Variants in GATAD2A observed in about 807,000 individuals in gnomAD.
GATAD2A encodes the protein transcriptional repressor p66-alpha.
A neutral mutation model predicts 68.5 loss-of-function variants in GATAD2A; 12 were observed. The ratio of observed to expected loss-of-function variants is 0.18; its 90% CI spans 0.11 to 0.28. The LOEUF (loss-of-function observed/expected upper bound fraction) is 0.28. Ranked by LOEUF, GATAD2A falls within the 10% of genes least tolerant of loss-of-function variation. The pLI, the probability that GATAD2A is intolerant of heterozygous loss-of-function variation, is 1.00. For missense variants in GATAD2A, 755 were observed against 868.5 expected, an observed-to-expected ratio of 0.87 and a Z score of 1.64; for synonymous variants, 410 against 375.3, an observed-to-expected ratio of 1.09 and a Z score of -1.07.
chr19:19,420,432 C>G (rs1294049236), intron 1 of GATAD2A, among the ~76,000 whole-genome samples: 1 of 150,112 alleles, frequency 6.7e-6, no homozygotes, highest in East Asian at 2.0e-4. Context: ...CCCAGGTTCC[C>G]GCCATTCTCC....
At chr19:19,413,252 G>A (rs538397455) in intron 1 of GATAD2A, among the ~76,000 whole-genome samples, 31 of 152,322 alleles carry the variant, frequency 2.0e-4, no homozygotes, top group African/African-American at 6.7e-4. Flanking sequence ...TACCACCTTC[G>A]TTCACATCCG....
chr19:19,438,992 C>T (rs1456416855), intron 1 of GATAD2A, among the ~76,000 whole-genome samples: 1 of 152,222 alleles, frequency 6.6e-6, no homozygotes, highest in African/African-American at 2.4e-5. Context: ...TCAGCACTAG[C>T]CCACACTTGC....
chr19:19,466,453 T>C (rs933994575), intron 2 of GATAD2A, among the ~76,000 whole-genome samples: 3 of 152,194 alleles, frequency 2.0e-5, no homozygotes, highest in African/African-American at 4.8e-5. Flanking sequence ...CACCGCCCAC[T>C]GGAGTCTTCT....
intron 10 of GATAD2A, 30 bp downstream of exon 10, chr19:19,502,073 C>G (rs199738893): frequency 6.5e-7 from 1 of 1,528,680 alleles, no homozygotes; most frequent in Admixed American, 1.7e-5. Flanking sequence ...CCGGGAGCCT[C>G]GCGCCCCCAC....
chr19:19,477,975 G>T (rs2058789697), intron 2 of GATAD2A, among the ~76,000 whole-genome samples: 1 of 152,194 alleles, frequency 6.6e-6, no homozygotes, highest in Admixed American at 6.5e-5. Context: ...GCCACATAAG[G>T]CTGTAAGAAC....
chr19:19,418,940 G>A (rs1012570656), intron 1 of GATAD2A, among the ~76,000 whole-genome samples: 1 of 152,156 alleles, frequency 6.6e-6, no homozygotes, highest in Non-Finnish European at 1.5e-5. Flanking sequence ...ATTTTGGGGT[G>A]GAAGTGAAGT....
chr19:19,416,838 C>T (rs1156996310), intron 1 of GATAD2A, among the ~76,000 whole-genome samples: 1 of 151,924 alleles, frequency 6.6e-6, no homozygotes, highest in Non-Finnish European at 1.5e-5. Flanking sequence ...TCTTGGCTCA[C>T]TGCAACCTTG....
chr19:19,505,677 G>A lies in GATAD2A; in HGVS notation c.*203G>A, dbSNP rs2060837733. ...GCTAGGGGGCTGGTGCCGCCTCATA[G>A]GCAGACGAGGATCATCGCTGGGGGA... On this transcript the variant is annotated 3_prime_UTR_variant, in exon 12 of 12. Coordinates refer to ENST00000683918, the MANE Select transcript of GATAD2A (RefSeq NM_001384528.1). 2.0e-6 allele frequency: 1 copy of A among 496,728 alleles called. No homozygotes were observed. The allele number at this position is 496,728 out of a possible 1,614,324, so 30.8% of individuals were successfully genotyped here. A position where few individuals can be genotyped will look rare whatever the true frequency, so the allele number is the denominator to read the frequency against.
chr19:19,441,185 G>T (rs1677969870), intron 1 of GATAD2A, among the ~76,000 whole-genome samples: 1 of 151,952 alleles, frequency 6.6e-6, no homozygotes, highest in African/African-American at 2.4e-5. Flanking sequence ...TGGGATTACA[G>T]GCGCCCGCCA....
intron 1 of GATAD2A, among the ~76,000 whole-genome samples, chr19:19,419,935 G>A (rs1365064861): frequency 6.6e-6 from 1 of 151,838 alleles, no homozygotes; most frequent in Admixed American, 6.6e-5. Context: ...CCTGGGCCTA[G>A]GAGGTGGCTG....
rs768880819 is a variant in GATAD2A at position 19,502,317 on chromosome 19, T to C, written c.1579-14T>C. ...TTCCCTGCATGAGCCGTCACCCCCC[T>C]TTCTCCACTGCAGGCCTCCAGCCAG... On this transcript the variant is annotated splice_polypyrimidine_tract_variant and intron_variant, in intron 10 of 11. Coordinates refer to ENST00000683918, the MANE Select transcript of GATAD2A (RefSeq NM_001384528.1). The C allele has an allele frequency of 4.4e-6, 7 of 1,593,904 alleles. No individual in the cohort carries two copies. The Admixed American group carries it at 5.1e-5, about 12-fold the overall frequency.
intron 2 of GATAD2A, among the ~76,000 whole-genome samples, chr19:19,476,460 C>T (rs2058683078): frequency 6.6e-6 from 1 of 152,224 alleles, no homozygotes; most frequent in Non-Finnish European, 1.5e-5. Context: ...TCCACAGGGA[C>T]AAGACGGGGA....
intron 2 of GATAD2A, among the ~76,000 whole-genome samples, chr19:19,486,001 G>T (rs1220068996): frequency 5.9e-5 from 9 of 152,150 alleles, no homozygotes; most frequent in African/African-American, 1.9e-4. Flanking sequence ...CGTGCAAGGG[G>T]GTCCATCAGT....
Position 19,496,060 on chromosome 19 carries a change from C to G in GATAD2A, c.765C>G (p.His255Gln). 1 of 1,613,636 alleles carries G rather than the reference C, an allele frequency of 6.2e-7. No homozygotes were observed. Among genetic ancestry groups the G allele is most frequent in the Non-Finnish European group, 8.5e-7 (1 of 1,179,666 alleles). ...PPLVRGAQQI[H>Q]SIRQHSSTGP... ...CCACCCTACCCCAACAGCAAATCCACAGCATTAGGCAACATTCCAGCACAG... is the reference window on the plus strand; with the variant it reads ...CCACCCTACCCCAACAGCAAATCCAGAGCATTAGGCAACATTCCAGCACAG... Residue 255 changes from histidine (H) to glutamine (Q), a missense_variant, in exon 7 of 12, where the codon CAC (histidine) becomes CAG (glutamine). Physicochemically the swap from His to Gln is conservative, Grantham distance 24. Transcript: ENST00000683918.
At chr19:19,422,240 C>T (rs2052512505) in intron 1 of GATAD2A, among the ~76,000 whole-genome samples, 2 of 152,198 alleles carry the variant, frequency 1.3e-5, no homozygotes, top group Admixed American at 1.3e-4. Flanking sequence ...GAGGCAGAAA[C>T]AGCAAGCATA....
At position 19,498,634 on chromosome 19, in the gene GATAD2A, G is replaced by A; in HGVS notation, c.1116G>A (p.Glu372=). The part of the protein sequence containing the change: ...EIPPPKPPAP[E]MNFLPSAANN... Reference sequence around the variant, plus strand: ...CCCCACCCAAGCCCCCAGCCCCAGAGATGAACTTCCTGCCCAGCGCCGCCA... The same window carrying A: ...CCCCACCCAAGCCCCCAGCCCCAGAAATGAACTTCCTGCCCAGCGCCGCCA... The change falls in exon 8 of 12, where the codon GAG becomes GAA. Residue 372 remains glutamate, a synonymous_variant. Coordinates refer to ENST00000683918, the MANE Select transcript of GATAD2A (RefSeq NM_001384528.1). 1 of 1,613,862 alleles carries A rather than the reference G, an allele frequency of 6.2e-7. No homozygotes were observed. Among genetic ancestry groups the A allele is most frequent in the Non-Finnish European group, 8.5e-7 (1 of 1,179,936 alleles).
At chr19:19,443,065 G>A (rs1399581887) in intron 1 of GATAD2A, among the ~76,000 whole-genome samples, 1 of 152,144 alleles carries the variant, frequency 6.6e-6, no homozygotes, top group East Asian at 1.9e-4. Context: ...CATGACTGAG[G>A]ACACGGAGTT....
intron 1 of GATAD2A, chr19:19,440,173 A>C (rs758958925): frequency 2.4e-6 from 1 of 415,936 alleles, no homozygotes. Context: ...AAAAAAGAAC[A>C]ATGTAAAGGA....
intron 2 of GATAD2A, among the ~76,000 whole-genome samples, chr19:19,483,944 G>A (rs1240491803): frequency 6.6e-6 from 1 of 151,954 alleles, no homozygotes; most frequent in East Asian, 1.9e-4. Context: ...CTCAGTTTTG[G>A]GGCACAGCCT....
Sources: gnomAD v4.1 joint callset for allele counts (sites outside exome capture counted in the v4.1 genomes callset) on GRCh38, gnomAD v4.1.1 for gene constraint, MANE v1.5 for transcripts, NCBI Gene and HGNC (gene_info 2026-07-23, HGNC 2026-07-21) for gene names.